Variants in CTSV observed in about 807,000 individuals in gnomAD.
The protein encoded by CTSV is cathepsin L2.
CTSV carries 33 observed loss-of-function variants against 35.6 expected under a neutral mutation model. The observed-to-expected ratio is 0.93, with a 90% CI of 0.70 to 1.24. CTSV has a LOEUF of 1.24. Ranked by LOEUF, CTSV falls within the 50% of genes most tolerant of loss-of-function variation. CTSV has a pLI of 0.00. For missense variants in CTSV, 408 were observed against 413.1 expected, an observed-to-expected ratio of 0.99 and a Z score of 0.11; for synonymous variants, 154 against 147.1, an observed-to-expected ratio of 1.05 and a Z score of -0.34.
chr9:97,035,729 C>T (rs1414294699), intron 5 of CTSV, 36 bp from the exon 6 acceptor site: 1 of 1,330,592 alleles, frequency 7.5e-7, no homozygotes, highest in Non-Finnish European at 9.8e-7. Context: ...TTGATCACTA[C>T]CATCTACCTC....
chr9:97,034,665 G>A, intron 7 of CTSV, 61 bp downstream of exon 7: 1 of 1,265,730 alleles, frequency 7.9e-7, no homozygotes, highest in Non-Finnish European at 1.2e-6. Context: ...GAGCTTTTGT[G>A]AACTTGTATC....
At chr9:97,038,139 TA>T in intron 1 of CTSV, 86 bp from the exon 2 acceptor site, 2 of 1,363,852 alleles carry the variant, frequency 1.5e-6, no homozygotes, top group Admixed American at 4.2e-5. Flanking sequence ...ATATTTCAAT[TA>T]TTCTCCCTAG....
rs1301053516 is a variant in CTSV at position 97,037,153 on chromosome 9, C to CCCAT, written c.396+95_396+98dup. On this transcript the variant is annotated intron_variant, in intron 4 of 7. Coordinates refer to ENST00000259470, the MANE Select transcript of CTSV (RefSeq NM_001333.4). The stretch of plus-strand genomic sequence containing the variant: ...CACCAAAAACCAAAAATACAAAAAA[C>CCCAT]CCATCACCATATGTTGTGCCACCAT... 12 of 1,291,422 alleles carry CCCAT rather than the reference C, an allele frequency of 9.3e-6. No homozygotes were observed. In the African/African-American group the frequency reaches 1.8e-4, roughly 19 times the overall value. The allele number at this position is 1,291,422 out of a possible 1,614,324, so 80.0% of individuals were successfully genotyped here.
chr9:97,037,512 A>G lies in CTSV; in HGVS notation c.230T>C (p.Met77Thr). 1 of 1,614,236 alleles carries G rather than the reference A, an allele frequency of 6.2e-7. No homozygotes were observed. The change falls in exon 3 of 8, where the codon ATG becomes ACG. Residue 77 changes from methionine (M) to threonine (T), a missense_variant. Met to Thr is a moderately conservative substitution (Grantham distance 81). Coordinates refer to ENST00000259470, the MANE Select transcript of CTSV (RefSeq NM_001333.4). ...ACTCACCATGTCACCAAAAGCATTC[A>G]TGGCCATTGTGAAGCCATGTTTCCC... ...SQGKHGFTMAMNAFGDMTNEE... is the reference protein window; with the variant it reads ...SQGKHGFTMATNAFGDMTNEE...
At chr9:97,035,834 T>C in intron 5 of CTSV, 141 bp from the exon 6 acceptor site, 2 of 484,814 alleles carry the variant, frequency 4.1e-6, no homozygotes, top group Non-Finnish European at 6.7e-6. Context: ...TGAAATAAAA[T>C]GCTATTTGTT....
rs1587732114 is a variant in CTSV at position 97,031,893 on chromosome 9, G to A, written c.*1056C>T. 1.3e-5 allele frequency: 2 copies of A among 152,308 alleles called. No homozygotes were observed. The highest frequency in any genetic ancestry group is 2.9e-5 in the Non-Finnish European group (2 of 68,032). The allele number at this position is 152,308 out of a possible 1,614,324, so 9.4% of individuals were successfully genotyped here. A position where few individuals can be genotyped will look rare whatever the true frequency, so the allele number is the denominator to read the frequency against. ...AAATAAGCTTTTCTAGAAGAGCTAG[G>A]TGGAATATGTCATCAGAGACTTGGA... On this transcript the variant is annotated 3_prime_UTR_variant, in exon 8 of 8. Coordinates refer to ENST00000259470, the MANE Select transcript of CTSV (RefSeq NM_001333.4).
chr9:97,037,241 C>T lies in CTSV; in HGVS notation c.396+11G>A, dbSNP rs199884373. 1.1e-4 allele frequency: 170 copies of T among 1,612,060 alleles called. No homozygotes were observed. The Middle Eastern group carries it at 1.3e-3, about 13-fold the overall frequency. ...CTGTGGAGACAGGGTCTGAATCTGA[C>T]GCTGTCTCACCTGATTCTTCACTGG... On this transcript the variant is annotated intron_variant, in intron 4 of 7. Transcript: ENST00000259470.
In CTSV at chr9:97,034,717, G is replaced by C. The variant is rs780845597; in HGVS notation, c.905+9C>G. 6.2e-7 allele frequency: 1 copy of C among 1,604,686 alleles called. No homozygotes were observed. The highest frequency in any genetic ancestry group is 8.5e-7 in the Non-Finnish European group (1 of 1,171,752). On this transcript the variant is annotated intron_variant, in intron 7 of 7. Transcript: ENST00000259470. The stretch of plus-strand genomic sequence containing the variant: ...ACAAAAATTCCCTTTTCAATTTTGA[G>C]TTTTATACCTGTTTTTGACGAGCCA...
chr9:97,033,998 G>A (rs956605254), intron 7 of CTSV, among the ~76,000 whole-genome samples: 3 of 152,200 alleles, frequency 2.0e-5, no homozygotes, highest in African/African-American at 7.2e-5. Flanking sequence ...TTGGGAGGCT[G>A]AGGCAGGAGA....
Position 97,037,918 on chromosome 9 carries a change from C to A in CTSV, c.126G>T (p.Ala42=). 6.2e-7 allele frequency: 1 copy of A among 1,613,848 alleles called. No individual in the cohort carries two copies. ...CTGGACAGTTTCAGATGTTACCAAC[C>A]GCGCCATATAATCTTCTGTGTGTTG... ...WKATHRRLYG[A]NEEGWRRAVW... The change falls in exon 2 of 8, where the codon GCG becomes GCT. Residue 42 remains alanine (A), a splice_region_variant and synonymous_variant. Coordinates refer to ENST00000259470, the MANE Select transcript of CTSV (RefSeq NM_001333.4).
chr9:97,034,132 T>C (rs935979441), intron 7 of CTSV, among the ~76,000 whole-genome samples: 6 of 152,190 alleles, frequency 3.9e-5, no homozygotes, highest in African/African-American at 1.4e-4. Flanking sequence ...ATGAATATAT[T>C]GATTCTTGTG....
intron 7 of CTSV, 47 bp downstream of exon 7, chr9:97,034,679 A>T: frequency 2.1e-6 from 3 of 1,438,034 alleles, no homozygotes; most frequent in Non-Finnish European, 2.9e-6. Flanking sequence ...TTGTATCCAA[A>T]TACTGATTTG....
intron 5 of CTSV, 129 bp downstream of exon 5, chr9:97,036,394 T>C (rs1416476797): frequency 1.3e-6 from 1 of 761,422 alleles, no homozygotes; most frequent in Non-Finnish European, 2.3e-6. Context: ...ATAATGACAA[T>C]ACTCACGGTT....
intron 5 of CTSV, 70 bp downstream of exon 5, chr9:97,036,453 C>A (rs1442737690): frequency 1.9e-6 from 2 of 1,050,764 alleles, no homozygotes; most frequent in Admixed American, 3.7e-5. Flanking sequence ...AAAAAAGTAT[C>A]TGTTATCTCT....
At position 97,036,614 on chromosome 9, in the gene CTSV, C is replaced by T. The variant is rs971308007; in HGVS notation, c.530G>A (p.Gly177Asp). 1.2e-6 allele frequency: 2 copies of T among 1,614,092 alleles called. No homozygotes were observed. The highest frequency in any genetic ancestry group is 1.7e-6 in the Non-Finnish European group (2 of 1,180,028). ...VDCSRPQGNQ[G>D]CNGGFMARAF... ...CCTAGCCATGAAGCCACCATTGCAG[C>T]CCTGATTGCCTTGAGGACGCGAACA... Residue 177 changes from glycine (G) to aspartate (D), a missense_variant, in exon 5 of 8, where the codon GGC becomes GAC. Gly to Asp is a moderately conservative substitution (Grantham distance 94). Coordinates refer to ENST00000259470, the MANE Select transcript of CTSV (RefSeq NM_001333.4).
intron 1 of CTSV, chr9:97,038,439 A>G: frequency 6.0e-6 from 1 of 167,896 alleles, no homozygotes; most frequent in Admixed American, 5.8e-5. Flanking sequence ...GCGGATCCCC[A>G]AGGAACACCA....
intron 7 of CTSV, among the ~76,000 whole-genome samples, chr9:97,033,407 T>C (rs972823419): frequency 2.0e-5 from 3 of 150,236 alleles, no homozygotes; most frequent in South Asian, 4.3e-4. Flanking sequence ...TTTCAGGAGT[T>C]TGAGACCAGC....
At chr9:97,033,200 G>A in intron 7 of CTSV, 152 bp from the exon 8 acceptor site, 1 of 568,006 alleles carries the variant, frequency 1.8e-6, no homozygotes. Flanking sequence ...CCTGAGGCTG[G>A]GCACAGTGGC....
In CTSV at chr9:97,032,664, G is replaced by A. The variant is rs939206375; in HGVS notation, c.*285C>T. 6 of 266,034 alleles carry A rather than the reference G, an allele frequency of 2.3e-5. No individual in the cohort carries two copies. Among genetic ancestry groups the A allele is most frequent in the Non-Finnish European group, 3.5e-5 (5 of 143,004 alleles). 16.5% of individuals were successfully genotyped at this position (266,034 alleles called of 1,614,324 possible). On this transcript the variant is annotated 3_prime_UTR_variant, in exon 8 of 8. Transcript: ENST00000259470. Reference sequence around the variant, plus strand: ...TAAAAAAAGGCCCACCTTTATATACGAATTAAAATTTATTTCAAACTGTTT... The same window carrying A: ...TAAAAAAAGGCCCACCTTTATATACAAATTAAAATTTATTTCAAACTGTTT...
Sources: allele counts gnomAD v4.1 joint callset (sites outside exome capture counted in the v4.1 genomes callset), GRCh38; gene constraint gnomAD v4.1.1; transcripts MANE v1.5; gene names NCBI Gene and HGNC (gene_info 2026-07-23, HGNC 2026-07-21).